Variants in NRK observed in about 807,000 individuals in gnomAD.
The protein encoded by NRK is nik-related protein kinase.
NRK carries 67 observed loss-of-function variants against 125.2 expected under a neutral mutation model. That is an observed-to-expected ratio of 0.54 (90% CI 0.44 to 0.66). NRK has a LOEUF of 0.66. Among genes scored for constraint, NRK ranks in the 30% least tolerant of loss-of-function variants. NRK has a pLI of 0.00. For missense variants in NRK, 1,224 were observed against 1,192.9 expected (o/e 1.03, Z -0.38); for synonymous variants, 458 against 429.0 (o/e 1.07, Z -0.84).
chrX:105,953,796 C>T (rs2040935229), intron 28 of NRK, among the ~76,000 whole-genome samples: 1 of 111,563 alleles, frequency 9.0e-6, no homozygotes, highest in Non-Finnish European at 1.9e-5. Flanking sequence ...AAGATTATTA[C>T]CATTCCTACC....
chrX:105,948,536 G>C (rs1256839665), intron 26 of NRK: 1 of 413,722 alleles, frequency 2.4e-6, no homozygotes, highest in African/African-American at 2.5e-5. Context: ...GTATGGATTT[G>C]CAGCAGTCCA....
intron 2 of NRK, among the ~76,000 whole-genome samples, chrX:105,859,115 C>T (rs187517057): frequency 9.0e-6 from 1 of 111,554 alleles, no homozygotes; most frequent in East Asian, 2.8e-4. Flanking sequence ...ATTTTACTGT[C>T]TTGCTTTACT....
intron 2 of NRK, among the ~76,000 whole-genome samples, chrX:105,868,493 T>C (rs2039700723): frequency 9.0e-6 from 1 of 111,442 alleles, no homozygotes; most frequent in South Asian, 3.7e-4. Flanking sequence ...GTTATAAATA[T>C]GTAGTTTTAT....
At chrX:105,850,687 C>CA (rs1393288302) in intron 2 of NRK, among the ~76,000 whole-genome samples, 1 of 112,072 alleles carries the variant, frequency 8.9e-6, no homozygotes, top group Non-Finnish European at 1.9e-5. Context: ...AGGGCAGGGG[C>CA]AAAATGCCAC....
chrX:105,844,949 G>T (rs73531084), intron 2 of NRK, among the ~76,000 whole-genome samples: 1 of 110,923 alleles, frequency 9.0e-6, no homozygotes, highest in Non-Finnish European at 1.9e-5. Flanking sequence ...TTTGAGTTCT[G>T]TTGGTGTTGT....
intron 11 of NRK, chrX:105,907,382 G>T (rs2040234422): frequency 8.9e-6 from 1 of 111,906 alleles, no homozygotes; most frequent in Non-Finnish European, 1.9e-5. Flanking sequence ...AGTAACAATG[G>T]AATGTAAAAG....
chrX:105,842,230 C>T (rs2039339303), intron 2 of NRK, among the ~76,000 whole-genome samples: 1 of 111,246 alleles, frequency 9.0e-6, no homozygotes, highest in Non-Finnish European at 1.9e-5. Flanking sequence ...GGCACTAAGA[C>T]AGTCTAGTCT....
chrX:105,831,542 T>C (rs188820893), intron 2 of NRK, among the ~76,000 whole-genome samples: 1 of 112,407 alleles, frequency 8.9e-6, no homozygotes, highest in Admixed American at 9.4e-5. Context: ...ACATGTGTGA[T>C]AAAATTTTCT....
chrX:105,908,354 G>T (rs1416188210), intron 12 of NRK, 51 bp downstream of exon 12: 2 of 626,004 alleles, frequency 3.2e-6, no homozygotes, highest in Non-Finnish European at 4.8e-6. Flanking sequence ...TTCACATAAG[G>T]CCGTTGATTC....
In NRK at chrX:105,923,204, C is replaced by G. The variant is rs951033113; in HGVS notation, c.2697C>G (p.Ile899Met). The change falls in exon 18 of 29, where the codon ATC becomes ATG. Residue 899 changes from isoleucine (I) to methionine (M), a missense_variant. Coordinates refer to ENST00000243300, the MANE Select transcript of NRK (RefSeq NM_198465.4). ...TAGGCTATAATGCACTCTCTGAAAT[C>G]TTCCGGAATGATTGGTTAACTCCGG... ...EWVGYNALSE[I>M]FRNDWLTPAP... 1.7e-6 allele frequency: 2 copies of G among 1,206,771 alleles called. No individual in the cohort carries two copies. Among genetic ancestry groups the G allele is most frequent in the African/African-American group, 3.5e-5 (2 of 56,872 alleles).
rs1190631784 is a variant in NRK, at chrX:105,922,000, G to A, written c.2549G>A (p.Arg850Lys). The A allele has an allele frequency of 8.5e-7, 1 of 1,181,011 alleles. No individual in the cohort carries two copies. The highest frequency in any genetic ancestry group is 1.8e-5 in the South Asian group (1 of 55,049). The change falls in exon 17 of 29, where the codon AGG (arginine) becomes AAG (lysine). Residue 850 changes from arginine to lysine, a missense_variant. Arg to Lys is a conservative substitution (Grantham distance 26). Coordinates refer to ENST00000243300, the MANE Select transcript of NRK (RefSeq NM_198465.4). The stretch of plus-strand genomic sequence containing the variant: ...GAGGAAGAAAGTCCTGTGACTGGAA[G>A]GAGGTCTCAGTCATCACCACCTTAT... ...SSEEESPVTG[R>K]RSQSSPPYST...
chrX:105,951,515 T>C (rs1429288938), intron 27 of NRK, among the ~76,000 whole-genome samples: 1 of 112,303 alleles, frequency 8.9e-6, no homozygotes, highest in Non-Finnish European at 1.9e-5. Flanking sequence ...CATATAACAC[T>C]GATATTAAGG....
At chrX:105,854,024 G>A (rs2039503548) in intron 2 of NRK, among the ~76,000 whole-genome samples, 1 of 111,955 alleles carries the variant, frequency 8.9e-6, no homozygotes, top group South Asian at 3.7e-4. Flanking sequence ...GGTGATGGCA[G>A]CTTAGTACAA....
intron 4 of NRK, among the ~76,000 whole-genome samples, chrX:105,887,764 A>G (rs2039965842): frequency 8.9e-6 from 1 of 111,989 alleles, no homozygotes. Flanking sequence ...CTGAGACATA[A>G]AGTGGATTAG....
At chrX:105,943,331 G>T (rs1306798620) in intron 23 of NRK, among the ~76,000 whole-genome samples, 1 of 111,784 alleles carries the variant, frequency 8.9e-6, no homozygotes, top group Non-Finnish European at 1.9e-5. Context: ...ATTGACCATA[G>T]ATGTATGGGT....
intron 6 of NRK, 195 bp from the exon 7 acceptor site, chrX:105,895,238 C>A: frequency 1.9e-6 from 1 of 524,295 alleles, no homozygotes; most frequent in Non-Finnish European, 3.5e-6. Flanking sequence ...TTCCTTATAG[C>A]CAAAAGTCAT....
chrX:105,854,101 A>G (rs1331508529), intron 2 of NRK, among the ~76,000 whole-genome samples: 1 of 111,899 alleles, frequency 8.9e-6, no homozygotes, highest in Non-Finnish European at 1.9e-5. Context: ...GAATTTGCTA[A>G]ATGTTTCTGC....
chrX:105,890,545 G>T (rs1479999771), intron 5 of NRK, among the ~76,000 whole-genome samples: 1 of 112,459 alleles, frequency 8.9e-6, no homozygotes. Flanking sequence ...AAGGAAAGAG[G>T]TTTAATTGAC....
chrX:105,845,422 A>G (rs1412817376), intron 2 of NRK, among the ~76,000 whole-genome samples: 2 of 111,562 alleles, frequency 1.8e-5, no homozygotes, highest in Non-Finnish European at 3.8e-5. Context: ...AATAGGATGC[A>G]AGAGACCTTA....
Sources: gnomAD v4.1 joint callset for allele counts (sites outside exome capture counted in the v4.1 genomes callset) on GRCh38, gnomAD v4.1.1 for gene constraint, MANE v1.5 for transcripts, NCBI Gene and HGNC (gene_info 2026-07-23, HGNC 2026-07-21) for gene names.